F13A1: variants seen among roughly 807,000 people sequenced by gnomAD.
F13A1 encodes FSF, A subunit.
A neutral mutation model predicts 80.1 loss-of-function variants in F13A1; 47 were observed. The observed-to-expected ratio is 0.59, with a 90% CI of 0.46 to 0.75. The LOEUF (loss-of-function observed/expected upper bound fraction) is 0.75, where lower values mean the gene tolerates loss of function less well. Among genes scored for constraint, F13A1 ranks in the 30% least tolerant of loss-of-function variants. The probability of loss-of-function intolerance (pLI) is 0.00; values close to 1 mark genes in which losing one functional copy is unlikely to be tolerated. For synonymous variants in F13A1, 349 were observed against 344.9 expected (o/e 1.01, Z -0.13); for missense variants, 817 against 930.4 (o/e 0.88, Z 1.59).
chr6:6,176,990 A>G (rs1446159209), intron 11 of F13A1, among the ~76,000 whole-genome samples: 1 of 152,176 alleles, frequency 6.6e-6, no homozygotes, highest in Non-Finnish European at 1.5e-5. Context: ...GGGCTGTTCC[A>G]GGAAGCGCAG....
At chr6:6,183,788 G>C (rs1761029607) in intron 10 of F13A1, among the ~76,000 whole-genome samples, 2 of 152,022 alleles carry the variant, frequency 1.3e-5, no homozygotes, top group Admixed American at 1.3e-4. Flanking sequence ...TCCGATAGTG[G>C]GTGTGTCCTT....
chr6:6,320,001 G>A (rs763409971), intron 1 of F13A1, among the ~76,000 whole-genome samples: 5 of 152,182 alleles, frequency 3.3e-5, no homozygotes, highest in Non-Finnish European at 5.9e-5. Flanking sequence ...GAACAGTGTG[G>A]CGCGCTGTCG....
intron 3 of F13A1, among the ~76,000 whole-genome samples, chr6:6,302,115 C>T (rs1758441491): frequency 2.6e-5 from 4 of 152,198 alleles, no homozygotes; most frequent in Admixed American, 2.6e-4. Context: ...TAATTATTTT[C>T]TGAACGGCCT....
intron 8 of F13A1, 41 bp downstream of exon 8, chr6:6,221,992 A>C: frequency 6.2e-7 from 1 of 1,601,536 alleles, no homozygotes; most frequent in South Asian, 1.1e-5. Context: ...TAACATTACT[A>C]TAATGTGACA....
rs934112093 is a variant in F13A1 at position 6,162,731 on chromosome 6, C to T, written c.1908+4727G>A. On this transcript the variant is annotated intron_variant, in intron 13 of 14. Coordinates refer to ENST00000264870, the MANE Select transcript of F13A1 (RefSeq NM_000129.4). This position sits in a 1 kb window ranked among gnomAD's most constrained non-coding sequence, Gnocchi z 4.2. Reference sequence around the variant, plus strand: ...ATGACTCATAAAAAACTCACAAGGACCCCAGGAGGAGAGTTACCATTGCTT... The same window carrying T: ...ATGACTCATAAAAAACTCACAAGGATCCCAGGAGGAGAGTTACCATTGCTT... 2.6e-5 allele frequency among the ~76,000 whole-genome samples: 4 copies of T among 152,176 alleles called. No homozygotes were observed. Among genetic ancestry groups the T allele is most frequent in the Admixed American group, 2.0e-4 (3 of 15,282 alleles).
At chr6:6,299,064 T>C (rs1484839637) in intron 3 of F13A1, among the ~76,000 whole-genome samples, 1 of 146,368 alleles carries the variant, frequency 6.8e-6, no homozygotes, top group Non-Finnish European at 1.5e-5. Context: ...TTTAAGAATG[T>C]TGAATATTGG....
intron 10 of F13A1, among the ~76,000 whole-genome samples, chr6:6,182,737 G>A (rs1190979853): frequency 1.3e-5 from 2 of 152,142 alleles, no homozygotes; most frequent in Non-Finnish European, 1.5e-5. Flanking sequence ...AAAGCTGAGA[G>A]GCGTTTGGGG....
intron 10 of F13A1, among the ~76,000 whole-genome samples, chr6:6,185,176 T>TTGTGCAGGTTAGTTACATATG (rs1301583161): frequency 6.6e-6 from 1 of 151,464 alleles, no homozygotes; most frequent in Non-Finnish European, 1.5e-5. Context: ...CATGTGCACA[T>TTGTGCAGGTTAGTTACATATG]TGTGCAGGTT....
chr6:6,176,795 G>C (rs3778355), intron 11 of F13A1, among the ~76,000 whole-genome samples: 75,827 of 152,050 alleles, frequency 0.5, 19,099 homozygotes, highest in Non-Finnish European at 0.51. Flanking sequence ...ATGCAGGAGG[G>C]AAATTCGAGC....
At chr6:6,272,768 T>C in intron 3 of F13A1, among the ~76,000 whole-genome samples, 1 of 152,086 alleles carries the variant, frequency 6.6e-6, no homozygotes, top group East Asian at 1.9e-4. Context: ...CAACAGAAAG[T>C]CCAGATGTCC....
At chr6:6,151,723 G>A in intron 14 of F13A1, 90 bp downstream of exon 14, 1 of 1,556,982 alleles carries the variant, frequency 6.4e-7, no homozygotes, top group Non-Finnish European at 8.8e-7. Context: ...TTTTCACTGG[G>A]GAGCAGATCT....
intron 10 of F13A1, among the ~76,000 whole-genome samples, chr6:6,183,810 A>G (rs1441019141): frequency 3.3e-5 from 5 of 152,214 alleles, no homozygotes; most frequent in African/African-American, 1.2e-4. Flanking sequence ...TAGAAAGTGC[A>G]TGTTAATCTC....
intron 3 of F13A1, among the ~76,000 whole-genome samples, chr6:6,276,709 G>T (rs1455180458): frequency 6.6e-6 from 1 of 152,128 alleles, no homozygotes; most frequent in Non-Finnish European, 1.5e-5. Flanking sequence ...CCCTCTCAGT[G>T]CATTTTCCAT....
intron 6 of F13A1, among the ~76,000 whole-genome samples, chr6:6,242,445 A>T (rs938757750): frequency 6.6e-6 from 1 of 152,232 alleles, no homozygotes; most frequent in Non-Finnish European, 1.5e-5. Flanking sequence ...AAATAAATGC[A>T]TACATCTCAA....
intron 8 of F13A1, among the ~76,000 whole-genome samples, chr6:6,201,157 AG>A (rs1184068179): frequency 6.6e-6 from 1 of 152,228 alleles, no homozygotes; most frequent in African/African-American, 2.4e-5. Flanking sequence ...ATCCTTGGCA[AG>A]GTTAGCCTGG....
rs888153811 is a variant in F13A1, at chr6:6,277,578, GACTA to G, written c.320-10773_320-10770del. Reference sequence around the variant, plus strand: ...TACAGTTCATCCATCACCAGATGCTGACTAACTAACTCACATTCCACCAGCCACA... The same window carrying G: ...TACAGTTCATCCATCACCAGATGCTGACTAACTCACATTCCACCAGCCACA... On this transcript the variant is annotated intron_variant, in intron 3 of 14. Transcript: ENST00000264870. 7.2e-5 allele frequency among the ~76,000 whole-genome samples: 11 copies of G among 152,320 alleles called. No homozygotes were observed. In the East Asian group the frequency reaches 7.7e-4, roughly 11 times the overall value.
At chr6:6,293,876 A>G (rs1246246399) in intron 3 of F13A1, among the ~76,000 whole-genome samples, 5 of 151,910 alleles carry the variant, frequency 3.3e-5, no homozygotes, top group South Asian at 2.1e-4. Context: ...CCCATGACCT[A>G]GGTTCTGAGA....
chr6:6,194,998 G>T (rs770951363), intron 10 of F13A1, among the ~76,000 whole-genome samples: 33 of 152,246 alleles, frequency 2.2e-4, no homozygotes, highest in Non-Finnish European at 4.6e-4. Flanking sequence ...CAAAGTGAAA[G>T]ACATTATTTC....
intron 3 of F13A1, among the ~76,000 whole-genome samples, chr6:6,297,255 G>T (rs1171624629): frequency 6.6e-6 from 1 of 152,092 alleles, no homozygotes; most frequent in African/African-American, 2.4e-5. Context: ...GATGATGCTG[G>T]CCTCATGAAA....
Sources: allele counts gnomAD v4.1 joint callset (sites outside exome capture counted in the v4.1 genomes callset), GRCh38; gene constraint gnomAD v4.1.1; non-coding constraint Gnocchi (gnomAD v3.1); transcripts MANE v1.5; gene names NCBI Gene and HGNC (gene_info 2026-07-23, HGNC 2026-07-21).